NFASC: variants seen among roughly 807,000 people sequenced by gnomAD.
NFASC encodes the protein neurofascin.
A neutral mutation model predicts 147.5 loss-of-function variants in NFASC; 43 were observed. That is an observed-to-expected ratio of 0.29 (90% CI 0.23 to 0.38). The LOEUF (loss-of-function observed/expected upper bound fraction) is 0.38, where lower values mean the gene tolerates loss of function less well. Ranked by LOEUF, NFASC falls within the 10% of genes least tolerant of loss-of-function variation. NFASC has a pLI of 1.00. For synonymous variants in NFASC, 622 were observed against 665.5 expected, an observed-to-expected ratio of 0.93 and a Z score of 1.01; for missense variants, 1,320 against 1,689.0, an observed-to-expected ratio of 0.78 and a Z score of 3.83.
At chr1:204,992,052 G>C (rs974150768) in intron 24 of NFASC, among the ~76,000 whole-genome samples, 2 of 152,208 alleles carry the variant, frequency 1.3e-5, no homozygotes, top group Non-Finnish European at 2.9e-5. Context: ...TGCTAATCAA[G>C]TTACTCCTCT....
chr1:204,871,072 T>C (rs2077596240), intron 1 of NFASC: 2 of 1,289,420 alleles, frequency 1.6e-6, no homozygotes, highest in Non-Finnish European at 2.0e-6. Context: ...AGGAGAGAGG[T>C]AGGATGGTCA....
chr1:204,873,831 T>A (rs2078199989), intron 1 of NFASC, among the ~76,000 whole-genome samples: 1 of 152,112 alleles, frequency 6.6e-6, no homozygotes, highest in African/African-American at 2.4e-5. Context: ...ATGGCAGCAG[T>A]CTCAGGAGAA....
Position 204,997,399 on chromosome 1 carries a change from C to A in NFASC, c.3012C>A (p.His1004Gln), listed in dbSNP as rs751833388. 6.4e-7 allele frequency: 1 copy of A among 1,552,094 alleles called. No homozygotes were observed. Among genetic ancestry groups the A allele is most frequent in the African/African-American group, 1.4e-5 (1 of 73,146 alleles). The change falls in exon 25 of 30, where the codon CAC becomes CAA. Residue 1004 changes from histidine to glutamine, a missense_variant. This residue lies in a region of NFASC where 172 missense variants were observed against 165.8 expected (regional missense o/e 1.04). Coordinates refer to ENST00000339876, the MANE Select transcript of NFASC (RefSeq NM_001005388.3). ...CCACCACCTCCGGGACTAAGATACA[C>A]GAATCCGGTACTGCGCATCGCCCAT... ...PPTTTSGTKI[H>Q]ESAPDEQSIW... is the part of the protein sequence containing the mutation.
intron 24 of NFASC, chr1:204,993,650 G>A (rs1187786697): frequency 2.5e-5 from 11 of 443,536 alleles, no homozygotes; most frequent in Non-Finnish European, 5.0e-5. Flanking sequence ...TTAGCTAACA[G>A]AGAGTCTCTG....
rs138100850 is a variant in NFASC at position 205,001,437 on chromosome 1, T to C, written c.3136+151T>C. Among the ~76,000 whole-genome samples, 260 of 152,176 alleles carry C rather than the reference T, an allele frequency of 1.7e-3. 3 individuals carry two copies. Among genetic ancestry groups the C allele is most frequent in the African/African-American group, 5.2e-3 (214 of 41,506 alleles). On this transcript the variant is annotated intron_variant, in intron 26 of 29. Transcript: ENST00000339876. ...TAATTATGGCTTAATGAAATCGATATGCACTCAGGCGGCAGTGAGGTGGGA... is the reference window on the plus strand; with the variant it reads ...TAATTATGGCTTAATGAAATCGATACGCACTCAGGCGGCAGTGAGGTGGGA...
At chr1:204,906,815 C>T (rs1307195204) in intron 1 of NFASC, among the ~76,000 whole-genome samples, 1 of 151,784 alleles carries the variant, frequency 6.6e-6, no homozygotes, top group Non-Finnish European at 1.5e-5. Context: ...CCCCGAGTAG[C>T]TGGGACTACA....
At chr1:204,993,858 G>A (rs2095793815) in intron 24 of NFASC, 1 of 489,226 alleles carries the variant, frequency 2.0e-6, no homozygotes, top group Admixed American at 2.1e-5. Context: ...TCAGCCCCAG[G>A]GGATGAAATA....
At chr1:205,006,701 A>G (rs1253973042) in intron 27 of NFASC, among the ~76,000 whole-genome samples, 1 of 152,236 alleles carries the variant, frequency 6.6e-6, no homozygotes, top group East Asian at 1.9e-4. Flanking sequence ...GACCCCTGGA[A>G]TAGAATGGAA....
At chr1:204,956,218 T>C (rs1178347879) in intron 7 of NFASC, among the ~76,000 whole-genome samples, 1 of 152,188 alleles carries the variant, frequency 6.6e-6, no homozygotes, top group East Asian at 1.9e-4. Flanking sequence ...CCCTGGTCTT[T>C]CTAAAAATGT....
Position 204,925,934 on chromosome 1 carries a change from A to C in NFASC, c.-91+5194A>C, listed in dbSNP as rs545544201. Among the ~76,000 whole-genome samples the C allele has an allele frequency of 2.0e-5, 3 of 152,300 alleles. No homozygotes were observed. The East Asian group carries it at 5.8e-4, about 29-fold the overall frequency. ...GGTTGGAGATAAGGATGGCTGGTGGAGTCGCACAGATATCTCTTGGGAAAG... is the reference window on the plus strand; with the variant it reads ...GGTTGGAGATAAGGATGGCTGGTGGCGTCGCACAGATATCTCTTGGGAAAG... On this transcript the variant is annotated intron_variant, in intron 2 of 29. Coordinates refer to ENST00000339876, the MANE Select transcript of NFASC (RefSeq NM_001005388.3).
chr1:204,877,028 A>T (rs7411304), intron 1 of NFASC, among the ~76,000 whole-genome samples: 31 of 84,500 alleles, frequency 3.7e-4, no homozygotes, highest in African/African-American at 1.4e-3. Context: ...ATATATATAT[A>T]ATATATATTT....
chr1:205,000,916 C>T (rs2095967910), intron 25 of NFASC: 1 of 542,854 alleles, frequency 1.8e-6, no homozygotes, highest in Admixed American at 3.2e-5. Context: ...CCTCCGAAGT[C>T]CTCCCGACTG....
intron 1 of NFASC, among the ~76,000 whole-genome samples, chr1:204,850,419 G>T (rs1177259935): frequency 6.6e-6 from 1 of 152,178 alleles, no homozygotes; most frequent in Non-Finnish European, 1.5e-5. Flanking sequence ...CAGGTGTCTT[G>T]TTATCTGCTG....
At chr1:204,990,502 G>A (rs1442890430) in intron 23 of NFASC, 1 of 147,096 alleles carries the variant, frequency 6.8e-6, no homozygotes, top group Non-Finnish European at 1.5e-5. Context: ...ACAAATAGAG[G>A]CTTTTTTCTT....
At chr1:204,899,526 C>T (rs765663754) in intron 1 of NFASC, among the ~76,000 whole-genome samples, 4 of 152,172 alleles carry the variant, frequency 2.6e-5, no homozygotes, top group Admixed American at 6.5e-5. Context: ...TTCCAGCAGA[C>T]GTTCCAGAGC....
chr1:204,870,578 G>A, intron 1 of NFASC: 1 of 777,114 alleles, frequency 1.3e-6, no homozygotes, highest in African/African-American at 1.9e-5. Context: ...GCCCGGCCTG[G>A]TACGTCTCTC....
At chr1:204,961,188 C>T (rs1365433257) in intron 8 of NFASC, among the ~76,000 whole-genome samples, 1 of 152,152 alleles carries the variant, frequency 6.6e-6, no homozygotes, top group Non-Finnish European at 1.5e-5. Flanking sequence ...GATGATGTGT[C>T]CTCTTCTGAA....
Position 204,987,828 on chromosome 1 carries a change from G to A in NFASC, c.2593+288G>A, listed in dbSNP as rs534054603. ...GCCATGCCTTTAGGGATCTTTTGTA[G>A]TCTCCAACACGTACAGAGTCTAGGA... On this transcript the variant is annotated intron_variant, in intron 22 of 29. Transcript: ENST00000339876. This position sits in a 1 kb window ranked among gnomAD's most constrained non-coding sequence, Gnocchi z 4.4. 1.3e-3 allele frequency among the ~76,000 whole-genome samples: 200 copies of A among 152,314 alleles called. 1 individual carries two copies. Among genetic ancestry groups the A allele is most frequent in the African/African-American group, 4.7e-3 (195 of 41,562 alleles).
chr1:204,920,672 C>G lies in NFASC; in HGVS notation c.-159C>G. ...TGCAATTTGGGACGCTGGAGTTTAC[C>G]TTCCCTCCGCAGCCTGGAACAGAGC... On this transcript the variant is annotated 5_prime_UTR_variant, in exon 2 of 30. Transcript: ENST00000339876. The G allele has an allele frequency of 7.8e-7, 1 of 1,289,576 alleles. No individual in the cohort carries two copies. Among genetic ancestry groups the G allele is most frequent in the Non-Finnish European group, 1.0e-6 (1 of 988,800 alleles). The allele number at this position is 1,289,576 out of a possible 1,614,324, so 79.9% of individuals were successfully genotyped here.
Sources: allele counts gnomAD v4.1 joint callset (sites outside exome capture counted in the v4.1 genomes callset), GRCh38; gene constraint gnomAD v4.1.1; regional missense constraint gnomAD v4.1.1; non-coding constraint Gnocchi (gnomAD v3.1); transcripts MANE v1.5; gene names NCBI Gene and HGNC (gene_info 2026-07-23, HGNC 2026-07-21).